Variants in NTM observed in about 807,000 individuals in gnomAD.
NTM encodes the protein neurotrimin.
A neutral mutation model predicts 42.1 loss-of-function variants in NTM; 13 were observed. That is an observed-to-expected ratio of 0.31 (90% CI 0.20 to 0.49). The LOEUF is 0.49. NTM is among the 20% of genes least tolerant of loss of function. The pLI, the probability that NTM is intolerant of heterozygous loss-of-function variation, is 0.99. For missense variants in NTM, 373 were observed against 452.8 expected (o/e 0.82, Z 1.60); for synonymous variants, 187 against 179.2 (o/e 1.04, Z -0.35).
chr11:132,251,536 C>T (rs993279237), intron 4 of NTM, among the ~76,000 whole-genome samples: 33 of 152,164 alleles, frequency 2.2e-4, no homozygotes, highest in Admixed American at 1.7e-3. Context: ...CTTCCTTATG[C>T]GATGATGAGC....
chr11:131,692,085 A>G (rs12798778), intron 1 of NTM, among the ~76,000 whole-genome samples: 29,392 of 152,138 alleles, frequency 0.19, 3,320 homozygotes, highest in East Asian at 0.39. Flanking sequence ...GGAAACGGGC[A>G]GGGAGTCACA....
chr11:131,546,395 T>A (rs572633973), intron 1 of NTM, among the ~76,000 whole-genome samples: 1 of 152,324 alleles, frequency 6.6e-6, no homozygotes, highest in Non-Finnish European at 1.5e-5. Context: ...CTGGCCACTG[T>A]CCTGTTTCCC....
At chr11:132,251,596 C>T (rs1358012636) in intron 4 of NTM, among the ~76,000 whole-genome samples, 2 of 152,200 alleles carry the variant, frequency 1.3e-5, no homozygotes, top group African/African-American at 4.8e-5. Context: ...CACTGCTCAC[C>T]AGCTGTTTCA....
chr11:131,603,487 C>T lies in NTM; in HGVS notation c.82+232599C>T, dbSNP rs1337445627. ...CGTTACTGCCATCCCAGATTTATTGCTTGGCTACTTCCTCCTCATTTTAAA... is the reference window on the plus strand; with the variant it reads ...CGTTACTGCCATCCCAGATTTATTGTTTGGCTACTTCCTCCTCATTTTAAA... On this transcript the variant is annotated intron_variant, in intron 1 of 8. Transcript: ENST00000683400. 1.4e-4 allele frequency among the ~76,000 whole-genome samples: 22 copies of T among 152,076 alleles called. 1 individual carries two copies. Among genetic ancestry groups the T allele is most frequent in the Non-Finnish European group, 1.5e-5 (1 of 68,014 alleles).
At chr11:132,311,908 G>T (rs1194866820) in intron 6 of NTM, among the ~76,000 whole-genome samples, 1 of 152,182 alleles carries the variant, frequency 6.6e-6, no homozygotes, top group Non-Finnish European at 1.5e-5. Context: ...TCACCCAGGA[G>T]GAGAGAGCAG....
chr11:131,545,103 A>G (rs1156720788), intron 1 of NTM, among the ~76,000 whole-genome samples: 1 of 152,176 alleles, frequency 6.6e-6, no homozygotes, highest in African/African-American at 2.4e-5. Flanking sequence ...TGGACTATTA[A>G]CTGTATCCCA....
At chr11:131,576,145 A>G (rs867729126) in intron 1 of NTM, among the ~76,000 whole-genome samples, 2 of 152,120 alleles carry the variant, frequency 1.3e-5, no homozygotes, top group Non-Finnish European at 2.9e-5. Flanking sequence ...CCAATTAGAG[A>G]AGGGAAGGAC....
intron 6 of NTM, among the ~76,000 whole-genome samples, chr11:132,311,013 G>A (rs897985491): frequency 3.9e-5 from 6 of 152,154 alleles, no homozygotes; most frequent in African/African-American, 7.2e-5. Flanking sequence ...GTGGTATAGG[G>A]GATGCTAGAG....
chr11:131,791,263 G>A (rs1030149895), intron 1 of NTM, among the ~76,000 whole-genome samples: 1 of 152,182 alleles, frequency 6.6e-6, no homozygotes, highest in Non-Finnish European at 1.5e-5. Context: ...CCAACATCAA[G>A]ATGAATAAGG....
intron 2 of NTM, among the ~76,000 whole-genome samples, chr11:132,089,773 T>C (rs2060175368): frequency 6.6e-6 from 1 of 152,224 alleles, no homozygotes. Context: ...TTGTTCTTGC[T>C]TCTATTTTAC....
At chr11:131,375,849 C>T (rs957749803) in intron 1 of NTM, among the ~76,000 whole-genome samples, 5 of 152,114 alleles carry the variant, frequency 3.3e-5, no homozygotes, top group Admixed American at 2.0e-4. Context: ...TAAGCCTGCT[C>T]TTGCTACCAC....
chr11:131,566,832 C>G (rs1467450401), intron 1 of NTM, among the ~76,000 whole-genome samples: 1 of 152,122 alleles, frequency 6.6e-6, no homozygotes, highest in Non-Finnish European at 1.5e-5. Context: ...ACTTTTATAG[C>G]CTGCAGCCTC....
intron 1 of NTM, among the ~76,000 whole-genome samples, chr11:131,495,911 G>C (rs1406491190): frequency 2.6e-5 from 4 of 152,248 alleles, no homozygotes; most frequent in Non-Finnish European, 4.4e-5. Flanking sequence ...CTGCTGGAGG[G>C]TGAAAGAGGT....
intron 1 of NTM, among the ~76,000 whole-genome samples, chr11:131,579,792 A>G (rs1365802791): frequency 6.6e-6 from 1 of 152,220 alleles, no homozygotes; most frequent in Admixed American, 6.5e-5. Flanking sequence ...TGTGCTCAGG[A>G]GTATTCCAGC....
chr11:131,887,184 A>G (rs1733048231), intron 1 of NTM, among the ~76,000 whole-genome samples: 1 of 152,228 alleles, frequency 6.6e-6, no homozygotes, highest in Non-Finnish European at 1.5e-5. Flanking sequence ...GATGTGATGG[A>G]TATGTTAATT....
chr11:131,410,539 A>AC (rs1199592012), intron 1 of NTM, among the ~76,000 whole-genome samples: 2 of 149,704 alleles, frequency 1.3e-5, no homozygotes, highest in African/African-American at 4.9e-5. Context: ...AAAAAAAAAA[A>AC]AAAACAGAGA....
intron 2 of NTM, among the ~76,000 whole-genome samples, chr11:132,067,605 G>A (rs889933388): frequency 2.6e-5 from 4 of 152,224 alleles, no homozygotes; most frequent in Non-Finnish European, 5.9e-5. Context: ...CCAAAGGGGA[G>A]AAAATGGAAG....
intron 2 of NTM, among the ~76,000 whole-genome samples, chr11:131,966,309 A>G (rs144039941): frequency 6.6e-6 from 1 of 152,316 alleles, no homozygotes; most frequent in African/African-American, 2.4e-5. Context: ...GGAGCCTAGG[A>G]TACATCAGTG....
At position 131,765,988 on chromosome 11, in the gene NTM, T is replaced by C. The variant is rs542082735; in HGVS notation, c.83-145576T>C. On this transcript the variant is annotated intron_variant, in intron 1 of 8. Coordinates refer to ENST00000683400, the MANE Select transcript of NTM (RefSeq NM_001352005.2). ...ACTATTGACTAGCTGTACATTGTTC[T>C]TTGTATCACAAATTCTAGGGACCTG... is the stretch of plus-strand genomic sequence containing the variant. 1.1e-4 allele frequency among the ~76,000 whole-genome samples: 16 copies of C among 152,304 alleles called. No homozygotes were observed. In the South Asian group the frequency reaches 3.3e-3, roughly 32 times the overall value.
Sources: allele counts gnomAD v4.1 joint callset (sites outside exome capture counted in the v4.1 genomes callset), GRCh38; gene constraint gnomAD v4.1.1; transcripts MANE v1.5; gene names NCBI Gene and HGNC (gene_info 2026-07-23, HGNC 2026-07-21).